Variants in HSF2BP observed in about 807,000 individuals in gnomAD.
HSF2BP encodes heat shock factor 2-binding protein.
A neutral mutation model predicts 35.0 loss-of-function variants in HSF2BP; 35 were observed. That is an observed-to-expected ratio of 1.00 (90% confidence interval 0.76 to 1.32). The LOEUF (loss-of-function observed/expected upper bound fraction) is 1.32, where lower values mean the gene tolerates loss of function less well. HSF2BP is among the 40% of genes most tolerant of loss of function. HSF2BP has a pLI of 0.00. For missense variants in HSF2BP, 326 were observed against 321.7 expected (o/e 1.01, Z -0.10); for synonymous variants, 114 against 117.4 (o/e 0.97, Z 0.18).
intron 8 of HSF2BP, among the ~76,000 whole-genome samples, chr21:43,586,689 G>A (rs976218620): frequency 1.3e-5 from 2 of 152,072 alleles, no homozygotes; most frequent in African/African-American, 4.8e-5. Flanking sequence ...TCAAATCTGG[G>A]TTGAATGAGT....
At chr21:43,653,262 G>C (rs906396106) in intron 3 of HSF2BP, among the ~76,000 whole-genome samples, 4 of 149,106 alleles carry the variant, frequency 2.7e-5, no homozygotes, top group Non-Finnish European at 6.0e-5. Context: ...GGGGAGGGAA[G>C]GGAAGGGAGA....
At chr21:43,581,201 A>G in intron 8 of HSF2BP, among the ~76,000 whole-genome samples, 1 of 152,160 alleles carries the variant, frequency 6.6e-6, no homozygotes, top group Non-Finnish European at 1.5e-5. Context: ...CCTGGCTAAC[A>G]CGGTGAAACC....
chr21:43,595,278 G>A (rs1327723539), intron 7 of HSF2BP, among the ~76,000 whole-genome samples: 1 of 151,986 alleles, frequency 6.6e-6, no homozygotes, highest in Non-Finnish European at 1.5e-5. Context: ...TTTGCAGAAA[G>A]TTGAAAGTAA....
intron 8 of HSF2BP, among the ~76,000 whole-genome samples, chr21:43,585,984 G>T (rs2081845553): frequency 6.6e-6 from 1 of 152,186 alleles, no homozygotes; most frequent in Admixed American, 6.5e-5. Context: ...TGGGCTGAAG[G>T]CACAAATCTG....
chr21:43,632,073 T>C (rs61148093), intron 5 of HSF2BP, among the ~76,000 whole-genome samples: 9 of 12,172 alleles, frequency 7.4e-4, no homozygotes, highest in Non-Finnish European at 1.1e-3. Context: ...CGCTCCCACA[T>C]ACACACGCTC....
At position 43,627,943 on chromosome 21, in the gene HSF2BP, T is replaced by G. The variant is rs532832093; in HGVS notation, c.574+2379A>C. 2.6e-5 allele frequency among the ~76,000 whole-genome samples: 4 copies of G among 152,318 alleles called. No individual in the cohort carries two copies. The South Asian group carries it at 8.3e-4, about 32-fold the overall frequency. On this transcript the variant is annotated intron_variant, in intron 6 of 8. Transcript: ENST00000291560. The stretch of plus-strand genomic sequence containing the variant: ...GTCATCTGTGATCAATGATCTTTGA[T>G]GTTACCACTGTAATTGTTTTAGGGC...
At chr21:43,578,718 C>T (rs1461838901) in intron 8 of HSF2BP, among the ~76,000 whole-genome samples, 2 of 152,196 alleles carry the variant, frequency 1.3e-5, no homozygotes, top group Non-Finnish European at 2.9e-5. Context: ...TACAGCCCCA[C>T]AGAATGTAAG....
intron 8 of HSF2BP, among the ~76,000 whole-genome samples, chr21:43,572,467 C>T (rs2081589378): frequency 6.6e-6 from 1 of 152,186 alleles, no homozygotes; most frequent in African/African-American, 2.4e-5. Flanking sequence ...GAGGGAGAAA[C>T]AGAGGTGTGA....
Position 43,592,298 on chromosome 21 carries a change from G to A in HSF2BP, c.723C>T (p.Ser241=), listed in dbSNP as rs2081936528. The part of the protein sequence containing the change: ...VLMLMSLYNV[S]INLKGLKYIS... ...TGTATTTCAAGCCTTTCAAATTGATGCTTACATTGTATAGGGACATCAGCA... is the reference window on the plus strand; with the variant it reads ...TGTATTTCAAGCCTTTCAAATTGATACTTACATTGTATAGGGACATCAGCA... Residue 241 remains serine (S), a synonymous_variant, in exon 8 of 9, where the codon AGC becomes AGT. Coordinates refer to ENST00000291560, the MANE Select transcript of HSF2BP (RefSeq NM_007031.2). 2 of 1,613,396 alleles carry A rather than the reference G, an allele frequency of 1.2e-6. No individual in the cohort carries two copies. Among genetic ancestry groups the A allele is most frequent in the Non-Finnish European group, 1.7e-6 (2 of 1,179,394 alleles).
Position 43,633,134 on chromosome 21 carries a change from T to C in HSF2BP, c.441+138A>G, listed in dbSNP as rs1487797583. ...TACAATGAACCATATACGATAAGTATTCAATAACTAGCTGATGAGTGAACA... is the reference window on the plus strand; with the variant it reads ...TACAATGAACCATATACGATAAGTACTCAATAACTAGCTGATGAGTGAACA... On this transcript the variant is annotated intron_variant, in intron 5 of 8. Coordinates refer to ENST00000291560, the MANE Select transcript of HSF2BP (RefSeq NM_007031.2). 1.3e-5 allele frequency: 11 copies of C among 861,836 alleles called. No homozygotes were observed. In the African/African-American group the frequency reaches 1.9e-4, roughly 15 times the overall value. The allele number at this position is 861,836 out of a possible 1,614,324, so 53.4% of individuals were successfully genotyped here.
At chr21:43,577,164 T>G (rs1291960077) in intron 8 of HSF2BP, among the ~76,000 whole-genome samples, 2 of 152,236 alleles carry the variant, frequency 1.3e-5, no homozygotes, top group African/African-American at 4.8e-5. Context: ...TTCACCTCTT[T>G]ATTTGCATTT....
intron 7 of HSF2BP, among the ~76,000 whole-genome samples, chr21:43,609,642 G>A (rs531861816): frequency 1.3e-5 from 2 of 152,176 alleles, no homozygotes; most frequent in African/African-American, 4.8e-5. Flanking sequence ...AAGGTCTTGG[G>A]GCTCCAGAGG....
At chr21:43,590,230 GA>G (rs1372405991) in intron 8 of HSF2BP, among the ~76,000 whole-genome samples, 2 of 152,066 alleles carry the variant, frequency 1.3e-5, no homozygotes, top group African/African-American at 4.8e-5. Context: ...TATCATCAAA[GA>G]AGTTACGTGA....
At chr21:43,624,953 G>A (rs1216917341) in intron 6 of HSF2BP, among the ~76,000 whole-genome samples, 2 of 152,112 alleles carry the variant, frequency 1.3e-5, no homozygotes, top group Non-Finnish European at 1.5e-5. Context: ...AGTAATAAGA[G>A]CAGATGTTAC....
chr21:43,630,382 C>T lies in HSF2BP; in HGVS notation c.514G>A (p.Val172Ile). 6.2e-7 allele frequency: 1 copy of T among 1,613,702 alleles called. No homozygotes were observed. Among genetic ancestry groups the T allele is most frequent in the Non-Finnish European group, 8.5e-7 (1 of 1,179,892 alleles). The change falls in exon 6 of 9, where the codon GTC becomes ATC. Residue 172 changes from valine to isoleucine, a missense_variant. Transcript: ENST00000291560. ...ESFVKSLDGD[V>I]QELDSDESQF... ...CTTTCATCCGAATCCAGCTCCTGGA[C>T]ATCACCGTCTAACGACTTCACAAAA... is the stretch of plus-strand genomic sequence containing the variant.
intron 6 of HSF2BP, among the ~76,000 whole-genome samples, chr21:43,619,333 G>A (rs1241091808): frequency 6.6e-6 from 1 of 152,126 alleles, no homozygotes; most frequent in African/African-American, 2.4e-5. Flanking sequence ...GTAACAGAAA[G>A]GAAAATAACC....
At chr21:43,592,171 G>A in intron 8 of HSF2BP, 54 bp downstream of exon 8, 1 of 1,178,086 alleles carries the variant, frequency 8.5e-7, no homozygotes, top group Non-Finnish European at 1.3e-6. Flanking sequence ...GTGGATAAGG[G>A]AGGACTACTG....
the HSF2BP span, among the ~76,000 whole-genome samples, chr21:43,445,405 C>CCAGGAAGGCCACCAAGGAG: frequency 1.8e-5 from 2 of 110,434 alleles, 1 homozygote; most frequent in Non-Finnish European, 4.0e-5. Flanking sequence ...ACTTGGAGGC[C>CCAGGAAGGCCACCAAGGAG]CAGGAAGGCC....
At chr21:43,646,136 T>TCCCCCCCC (rs2082705682) in intron 3 of HSF2BP, among the ~76,000 whole-genome samples, 1 of 137,232 alleles carries the variant, frequency 7.3e-6, no homozygotes, top group Non-Finnish European at 1.5e-5. Flanking sequence ...AGGGTAAGAC[T>TCCCCCCCC]CCCATCTCTT....
Sources: allele counts gnomAD v4.1 joint callset (sites outside exome capture counted in the v4.1 genomes callset), GRCh38; gene constraint gnomAD v4.1.1; transcripts MANE v1.5; gene names NCBI Gene and HGNC (gene_info 2026-07-23, HGNC 2026-07-21).